The following OR51C1 variants were observed in gnomAD, a reference collection of about 807,000 sequenced individuals.
The protein encoded by OR51C1 is olfactory receptor family 51 subfamily C member 1.
the OR51C1 span, among the ~76,000 whole-genome samples, chr11:4,694,903 G>A: frequency 6.6e-6 from 1 of 152,132 alleles, no homozygotes; most frequent in Non-Finnish European, 1.5e-5. Context: ...ACTGTGTGAA[G>A]TTTTGATGGG....
chr11:4,690,862 T>C, the OR51C1 span: 1 of 456,470 alleles, frequency 2.2e-6, no homozygotes, highest in Non-Finnish European at 4.4e-6. Flanking sequence ...AGCAGGTAGG[T>C]GTTAGCAATC....
the OR51C1 span, chr11:4,690,919 T>C: frequency 4.4e-6 from 2 of 456,024 alleles, 1 homozygote; most frequent in Non-Finnish European, 8.8e-6. Context: ...CTGTGAACAA[T>C]GGACAGACTG....
the OR51C1 span, among the ~76,000 whole-genome samples, chr11:4,696,292 C>T: frequency 6.6e-6 from 1 of 152,118 alleles, no homozygotes; most frequent in Non-Finnish European, 1.5e-5. Context: ...CTTCCTCCTG[C>T]TTCATTTATC....
At chr11:4,696,750 C>T in the OR51C1 span, among the ~76,000 whole-genome samples, 2 of 152,064 alleles carry the variant, frequency 1.3e-5, no homozygotes, top group Non-Finnish European at 2.9e-5. Flanking sequence ...TTTTTCTGCC[C>T]ACTCGGATTA....
At chr11:4,696,909 T>G in the OR51C1 span, among the ~76,000 whole-genome samples, 1 of 152,222 alleles carries the variant, frequency 6.6e-6, no homozygotes, top group African/African-American at 2.4e-5. Flanking sequence ...GTTCAGATTC[T>G]TGCTCAAACA....
chr11:4,692,506 T>C, the OR51C1 span, among the ~76,000 whole-genome samples: 60 of 152,372 alleles, frequency 3.9e-4, no homozygotes, highest in South Asian at 0.011. Context: ...AGATACCTAA[T>C]TGAATGTTAC....
chr11:4,692,310 T>C, the OR51C1 span: 2 of 301,532 alleles, frequency 6.6e-6, no homozygotes, highest in South Asian at 6.1e-5. Context: ...TACAATATGA[T>C]ACCCGGCATC....
the OR51C1 span, among the ~76,000 whole-genome samples, chr11:4,693,169 G>T: frequency 6.6e-6 from 1 of 152,098 alleles, no homozygotes; most frequent in African/African-American, 2.4e-5. Flanking sequence ...GCTTGATTTG[G>T]TCATTCCACA....
At chr11:4,696,494 G>C in the OR51C1 span, among the ~76,000 whole-genome samples, 1 of 152,142 alleles carries the variant, frequency 6.6e-6, no homozygotes, top group Non-Finnish European at 1.5e-5. Flanking sequence ...AGAAGGCCAA[G>C]CAATTGTTAG....
At chr11:4,695,213 C>T in the OR51C1 span, among the ~76,000 whole-genome samples, 2 of 152,210 alleles carry the variant, frequency 1.3e-5, no homozygotes, top group Non-Finnish European at 2.9e-5. Context: ...TTATTGACCA[C>T]TGGAAGCAAG....
At chr11:4,695,127 T>C in the OR51C1 span, among the ~76,000 whole-genome samples, 3 of 152,280 alleles carry the variant, frequency 2.0e-5, no homozygotes, top group South Asian at 2.1e-4. Context: ...AAATCTTGAA[T>C]TCCATGGACA....
At chr11:4,696,183 G>A in the OR51C1 span, among the ~76,000 whole-genome samples, 1 of 152,036 alleles carries the variant, frequency 6.6e-6, no homozygotes, top group Non-Finnish European at 1.5e-5. Context: ...AAATACTGTG[G>A]CTACCCCTGA....
the OR51C1 span, among the ~76,000 whole-genome samples, chr11:4,696,619 A>C: frequency 6.6e-6 from 1 of 152,152 alleles, no homozygotes; most frequent in Non-Finnish European, 1.5e-5. Flanking sequence ...GGAGGCACTA[A>C]ATTTCCCCCA....
the OR51C1 span, among the ~76,000 whole-genome samples, chr11:4,694,033 T>C: frequency 6.6e-6 from 1 of 152,244 alleles, no homozygotes; most frequent in Non-Finnish European, 1.5e-5. Flanking sequence ...TTTTAGTTCC[T>C]ACGCAATATC....
At chr11:4,691,386 A>G in the OR51C1 span, 1 of 457,842 alleles carries the variant, frequency 2.2e-6, no homozygotes, top group Non-Finnish European at 4.4e-6. Context: ...GAAGAATTTA[A>G]TAAAGAACAT....
At chr11:4,690,740 T>C in the OR51C1 span, 1 of 387,228 alleles carries the variant, frequency 2.6e-6, no homozygotes. Flanking sequence ...GTCCATCTAG[T>C]GCTAGAATTC....
At chr11:4,692,055 T>C in the OR51C1 span, 1 of 372,870 alleles carries the variant, frequency 2.7e-6, no homozygotes, top group Non-Finnish European at 5.3e-6. Context: ...ATTTCATTCT[T>C]TATGGCATGT....
At chr11:4,692,581 A>G in the OR51C1 span, among the ~76,000 whole-genome samples, 112,832 of 152,150 alleles carry the variant, frequency 0.74, 43,600 homozygotes, top group South Asian at 0.86. Flanking sequence ...TTCATAGAGT[A>G]GAGAATTGCA....
the OR51C1 span, among the ~76,000 whole-genome samples, chr11:4,697,329 C>T: frequency 6.5e-3 from 991 of 152,276 alleles, 12 homozygotes; most frequent in African/African-American, 0.023. Flanking sequence ...GCAGGCAATG[C>T]GTTCGAAATT....
Sources: gnomAD v4.1 joint callset for allele counts (sites outside exome capture counted in the v4.1 genomes callset) on GRCh38, gnomAD v4.1.1 for gene constraint, MANE v1.5 for transcripts, NCBI Gene and HGNC (gene_info 2026-07-23, HGNC 2026-07-21) for gene names.